The following VAV1 variants were observed in gnomAD, a reference collection of about 807,000 sequenced individuals.
The protein encoded by VAV1 is vav guanine nucleotide exchange factor 1.
VAV1 carries 33 observed loss-of-function variants against 128.1 expected under a neutral mutation model. The observed-to-expected ratio is 0.26, with a 90% CI of 0.20 to 0.34. The LOEUF is 0.34. Among genes scored for constraint, VAV1 ranks in the 10% least tolerant of loss-of-function variants. VAV1 has a pLI of 1.00. For synonymous variants in VAV1, 394 were observed against 409.8 expected (o/e 0.96, Z 0.47); for missense variants, 715 against 1,093.7 (o/e 0.65, Z 4.88).
At chr19:6,776,615 T>C (rs1970649031) in intron 1 of VAV1, among the ~76,000 whole-genome samples, 1 of 151,688 alleles carries the variant, frequency 6.6e-6, no homozygotes. Context: ...CATCCATCCA[T>C]CCATCCACTC....
In VAV1 at chr19:6,857,188, C is replaced by G; in HGVS notation, c.*81C>G. 6.3e-7 allele frequency: 1 copy of G among 1,590,894 alleles called. No individual in the cohort carries two copies. The highest frequency in any genetic ancestry group is 2.0e-4 in the Middle Eastern group (1 of 4,964). ...CAGGCAGCGGAGCCAGGGGCTGTGA[C>G]AGCTCCCGGCGGGTGGAGACTTTGG... On this transcript the variant is annotated 3_prime_UTR_variant, in exon 27 of 27. Transcript: ENST00000602142.
intron 24 of VAV1, 28 bp from the exon 25 acceptor site, chr19:6,852,937 A>G: frequency 6.9e-6 from 11 of 1,590,444 alleles, no homozygotes; most frequent in Non-Finnish European, 8.6e-6. Flanking sequence ...CCGCTGGGAT[A>G]GCATCTGCCA....
intron 15 of VAV1, 104 bp from the exon 16 acceptor site, chr19:6,833,080 A>G (rs950560696): frequency 7.4e-6 from 7 of 944,678 alleles, no homozygotes; most frequent in Non-Finnish European, 1.1e-5. Context: ...GAATGAGTGG[A>G]CACGCAAAAC....
At chr19:6,838,501 T>C (rs1972286823) in intron 21 of VAV1, among the ~76,000 whole-genome samples, 2 of 152,258 alleles carry the variant, frequency 1.3e-5, no homozygotes, top group East Asian at 1.9e-4. Context: ...TTTATCTATG[T>C]ATCATCTGTC....
At chr19:6,778,706 A>G (rs1479043701) in intron 1 of VAV1, among the ~76,000 whole-genome samples, 2 of 152,002 alleles carry the variant, frequency 1.3e-5, no homozygotes, top group African/African-American at 4.8e-5. Context: ...AGCCTGGGCA[A>G]CAGAGAGAGA....
At chr19:6,838,295 T>TTATC (rs57869416) in intron 21 of VAV1, among the ~76,000 whole-genome samples, 16,937 of 145,548 alleles carry the variant, frequency 0.12, 1,435 homozygotes, top group African/African-American at 0.24. Flanking sequence ...CATCTACATA[T>TTATC]TATCTATCTA....
At chr19:6,779,988 G>A (rs1851386018) in intron 1 of VAV1, among the ~76,000 whole-genome samples, 1 of 148,906 alleles carries the variant, frequency 6.7e-6, no homozygotes, top group Non-Finnish European at 1.5e-5. Flanking sequence ...GCGGGCGCCT[G>A]TAGTCCCAGC....
At chr19:6,833,328 T>C in intron 16 of VAV1, 43 bp downstream of exon 16, 16 of 1,570,286 alleles carry the variant, frequency 1.0e-5, no homozygotes, top group Non-Finnish European at 1.4e-5. Flanking sequence ...GACTTGGTCA[T>C]CAGTTCCTTG....
At chr19:6,836,343 G>A in intron 19 of VAV1, 89 bp from the exon 20 acceptor site, 1 of 1,500,576 alleles carries the variant, frequency 6.7e-7, no homozygotes, top group Non-Finnish European at 8.9e-7. Flanking sequence ...AGTCTAAAAA[G>A]AAAAATTTTA....
Position 6,822,487 on chromosome 19 carries a change from C to T in VAV1, c.627C>T (p.Tyr209=), listed in dbSNP as rs774816667. Residue 209 remains tyrosine (Y), a synonymous_variant, in exon 6 of 27, where the codon TAC becomes TAT. Coordinates refer to ENST00000602142, the MANE Select transcript of VAV1 (RefSeq NM_005428.4). The surrounding 1 kb of genome is among the most constrained non-coding windows in gnomAD (Gnocchi z 5.9). ...AGATCCAGCAGACGGAGGAGAAGTA[C>T]ACTGACACGCTGGGCTCCATCCAGC... The part of the protein sequence containing the change: ...LREIQQTEEK[Y]TDTLGSIQQH... 6.4e-7 allele frequency: 1 copy of T among 1,554,378 alleles called. No homozygotes were observed.
intron 23 of VAV1, among the ~76,000 whole-genome samples, chr19:6,848,682 C>T (rs1055610303): frequency 6.6e-6 from 1 of 152,002 alleles, no homozygotes; most frequent in East Asian, 1.9e-4. Flanking sequence ...GGATTACAGG[C>T]GTGAGCCATC....
chr19:6,820,958 G>A lies in VAV1; in HGVS notation c.321+140G>A, dbSNP rs1702383365. 2 of 770,482 alleles carry A rather than the reference G, an allele frequency of 2.6e-6. No individual in the cohort carries two copies. Among genetic ancestry groups the A allele is most frequent in the East Asian group, 4.9e-5 (2 of 40,404 alleles). The allele number at this position is 770,482 out of a possible 1,614,324, so 47.7% of individuals were successfully genotyped here. Reference sequence around the variant, plus strand: ...TACAAGACGCAAATAGCACTGGCTTGGGATATGTGGAACTGGGTTTGAGTT... The same window carrying A: ...TACAAGACGCAAATAGCACTGGCTTAGGATATGTGGAACTGGGTTTGAGTT... On this transcript the variant is annotated intron_variant, in intron 2 of 26. Coordinates refer to ENST00000602142, the MANE Select transcript of VAV1 (RefSeq NM_005428.4). The surrounding 1 kb of genome is among the most constrained non-coding windows in gnomAD (Gnocchi z 4.4).
rs946304832 is a variant in VAV1, at chr19:6,806,761, G to A, written c.205-13941G>A. On this transcript the variant is annotated intron_variant, in intron 1 of 26. Coordinates refer to ENST00000602142, the MANE Select transcript of VAV1 (RefSeq NM_005428.4). ...GGGCCATGCTAATTGACTGGAACTG[G>A]GGGTGGAGCCCCTCTCAGCCCATGT... Among the ~76,000 whole-genome samples the A allele has an allele frequency of 5.3e-5, 8 of 152,224 alleles. No individual in the cohort carries two copies. In the South Asian group the frequency reaches 1.4e-3, roughly 28 times the overall value.
chr19:6,832,088 C>A lies in VAV1; in HGVS notation c.1399-3C>A. Reference sequence around the variant, plus strand: ...CTTCAGTCTGAGCTCTGCTTCCCTGCAGTGGAGCCACATGTTCCTCCTGAT... The same window carrying A: ...CTTCAGTCTGAGCTCTGCTTCCCTGAAGTGGAGCCACATGTTCCTCCTGAT... On this transcript the variant is annotated splice_region_variant and splice_polypyrimidine_tract_variant and intron_variant, in intron 14 of 26. Transcript: ENST00000602142. 6.2e-7 allele frequency: 1 copy of A among 1,613,868 alleles called. No individual in the cohort carries two copies. The highest frequency in any genetic ancestry group is 1.3e-5 in the African/African-American group (1 of 75,040).
chr19:6,836,341 A>G (rs1231548314), intron 19 of VAV1, 91 bp from the exon 20 acceptor site: 19 of 1,497,060 alleles, frequency 1.3e-5, no homozygotes, highest in Non-Finnish European at 1.6e-5. Context: ...CCAGTCTAAA[A>G]AGAAAAATTT....
intron 6 of VAV1, among the ~76,000 whole-genome samples, chr19:6,823,444 G>T (rs1412945441): frequency 6.6e-6 from 1 of 150,726 alleles, no homozygotes; most frequent in Non-Finnish European, 1.5e-5. Flanking sequence ...ATCTTTTAAA[G>T]ATATATATCA....
At chr19:6,793,480 A>T (rs1255641122) in intron 1 of VAV1, among the ~76,000 whole-genome samples, 3 of 152,076 alleles carry the variant, frequency 2.0e-5, no homozygotes, top group African/African-American at 7.2e-5. Flanking sequence ...GAGAAGAAAC[A>T]TGGTCTTGGG....
At chr19:6,778,901 G>C (rs12978679) in intron 1 of VAV1, among the ~76,000 whole-genome samples, 1 of 150,192 alleles carries the variant, frequency 6.7e-6, no homozygotes, top group Non-Finnish European at 1.5e-5. Context: ...TTAAGAGACA[G>C]AGTTTTGCTC....
chr19:6,831,269 T>C (rs770040473), intron 14 of VAV1, among the ~76,000 whole-genome samples: 45 of 152,128 alleles, frequency 3.0e-4, no homozygotes, highest in Non-Finnish European at 6.3e-4. Flanking sequence ...TTCCGTTCGC[T>C]TCAGTTTTTG....
Sources: allele counts gnomAD v4.1 joint callset (sites outside exome capture counted in the v4.1 genomes callset), GRCh38; gene constraint gnomAD v4.1.1; non-coding constraint Gnocchi (gnomAD v3.1); transcripts MANE v1.5; gene names NCBI Gene and HGNC (gene_info 2026-07-23, HGNC 2026-07-21).